Variants in ENPP6 observed in about 807,000 individuals in gnomAD.
ENPP6 encodes the protein ectonucleotide pyrophosphatase/phosphodiesterase 6, also known as glycerophosphocholine cholinephosphodiesterase ENPP6.
Under a neutral mutation model 42.0 loss-of-function variants are expected in ENPP6, and 32 were observed. That is an observed-to-expected ratio of 0.76 (90% CI 0.58 to 1.02). The LOEUF is 1.02. Ranked by LOEUF, ENPP6 falls within the 50% of genes least tolerant of loss-of-function variation. ENPP6 has a pLI of 0.00. For synonymous variants in ENPP6, 213 were observed against 216.0 expected (o/e 0.99, Z 0.12); for missense variants, 552 against 566.8 (o/e 0.97, Z 0.27).
intron 1 of ENPP6, among the ~76,000 whole-genome samples, chr4:184,192,083 C>T (rs1306387659): frequency 1.3e-5 from 2 of 152,186 alleles, no homozygotes; most frequent in Non-Finnish European, 2.9e-5. Context: ...TCAACACAAT[C>T]CTTATCCAAA....
At chr4:184,120,133 G>A (rs754076018) in intron 3 of ENPP6, among the ~76,000 whole-genome samples, 2 of 152,138 alleles carry the variant, frequency 1.3e-5, no homozygotes, top group Non-Finnish European at 2.9e-5. Flanking sequence ...GCCCTAGATC[G>A]CTTTTCCTGA....
intron 1 of ENPP6, among the ~76,000 whole-genome samples, chr4:184,169,351 G>A (rs1469992240): frequency 6.7e-6 from 1 of 148,880 alleles, no homozygotes; most frequent in Non-Finnish European, 1.5e-5. Context: ...GGGAAGAAAT[G>A]TCCCCATGTG....
rs185604185 is a variant in ENPP6, at chr4:184,199,767, C to T, written c.241+17812G>A. On this transcript the variant is annotated intron_variant, in intron 1 of 7. Coordinates refer to ENST00000296741, the MANE Select transcript of ENPP6 (RefSeq NM_153343.4). ...CTTTCTTCATATGTACAAAACAGGT[C>T]GAATTGGAGCTACTGTGATCATAAA... Among the ~76,000 whole-genome samples, 6 of 152,244 alleles carry T rather than the reference C, an allele frequency of 3.9e-5. No individual in the cohort carries two copies. The East Asian group carries it at 1.2e-3, about 29-fold the overall frequency.
rs201529329 is a variant in ENPP6, at chr4:184,117,906, G to A, written c.534-6C>T. 3.1e-6 allele frequency: 5 copies of A among 1,613,758 alleles called. No individual in the cohort carries two copies. Among genetic ancestry groups the A allele is most frequent in the African/African-American group, 2.7e-5 (2 of 75,044 alleles). On this transcript the variant is annotated splice_polypyrimidine_tract_variant and splice_region_variant and intron_variant, in intron 3 of 7. Coordinates refer to ENST00000296741, the MANE Select transcript of ENPP6 (RefSeq NM_153343.4). Reference sequence around the variant, plus strand: ...CCAGGTCGGCCCGGCCACTCCTGGAGGGACAGAGGAGAGAGGCATAGGTGA... The same window carrying A: ...CCAGGTCGGCCCGGCCACTCCTGGAAGGACAGAGGAGAGAGGCATAGGTGA...
At chr4:184,207,360 A>T (rs1733018529) in intron 1 of ENPP6, among the ~76,000 whole-genome samples, 1 of 152,252 alleles carries the variant, frequency 6.6e-6, no homozygotes, top group South Asian at 2.1e-4. Flanking sequence ...CGCTGCCTCA[A>T]AACAGATGCA....
At chr4:184,195,419 T>A (rs902946640) in intron 1 of ENPP6, among the ~76,000 whole-genome samples, 2 of 152,216 alleles carry the variant, frequency 1.3e-5, no homozygotes, top group Non-Finnish European at 2.9e-5. Context: ...CTAAGAATAA[T>A]GGTCTCCAGC....
intron 1 of ENPP6, among the ~76,000 whole-genome samples, chr4:184,214,737 A>T (rs191638777): frequency 1.7e-4 from 26 of 152,302 alleles, no homozygotes; most frequent in African/African-American, 6.0e-4. Context: ...AGGGACAGAA[A>T]ATCAAACACC....
intron 2 of ENPP6, among the ~76,000 whole-genome samples, chr4:184,124,802 A>G (rs980786193): frequency 5.9e-5 from 9 of 152,216 alleles, no homozygotes; most frequent in Non-Finnish European, 2.9e-5. Context: ...CAGTGAGTTC[A>G]AGCAATGGGG....
intron 2 of ENPP6, among the ~76,000 whole-genome samples, chr4:184,135,048 ACAGT>A (rs766222282): frequency 6.6e-6 from 1 of 151,980 alleles, no homozygotes. Flanking sequence ...TAATTACATG[ACAGT>A]CAGAGGACAC....
chr4:184,200,096 T>C (rs747101832), intron 1 of ENPP6, among the ~76,000 whole-genome samples: 2 of 152,102 alleles, frequency 1.3e-5, no homozygotes, highest in African/African-American at 2.4e-5. Flanking sequence ...AACAGACCAA[T>C]AGAAAGTGAA....
intron 6 of ENPP6, among the ~76,000 whole-genome samples, chr4:184,108,814 G>A (rs9968325): frequency 0.38 from 58,462 of 152,146 alleles, 11,753 homozygotes; most frequent in Non-Finnish European, 0.46. Context: ...CATAGGTGCT[G>A]TAAGTTATGT....
At position 184,131,189 on chromosome 4, in the gene ENPP6, CT is replaced by C. The variant is rs1214487960; in HGVS notation, c.422-6918del. 3.6e-4 allele frequency among the ~76,000 whole-genome samples: 24 copies of C among 66,580 alleles called. 1 individual carries two copies. The highest frequency in any genetic ancestry group is 1.4e-3 in the African/African-American group (21 of 14,982). 43.7% of individuals were successfully genotyped at this position (66,580 alleles called of 152,430 possible). ...TCTTTCTTTCTTTCTTTCTTTCTTTCTTTCTTTCTTTCTTCTTTCTTTCTTT... is the reference window on the plus strand; with the variant it reads ...TCTTTCTTTCTTTCTTTCTTTCTTTCTTCTTTCTTTCTTCTTTCTTTCTTT... On this transcript the variant is annotated intron_variant, in intron 2 of 7. Coordinates refer to ENST00000296741, the MANE Select transcript of ENPP6 (RefSeq NM_153343.4).
At chr4:184,108,335 T>C (rs1736137780) in intron 6 of ENPP6, among the ~76,000 whole-genome samples, 1 of 152,230 alleles carries the variant, frequency 6.6e-6, no homozygotes, top group Admixed American at 6.5e-5. Context: ...TGAAACGTCA[T>C]CGCATGCACT....
chr4:184,093,051 C>T (rs1424770287), intron 7 of ENPP6, among the ~76,000 whole-genome samples: 1 of 152,290 alleles, frequency 6.6e-6, no homozygotes, highest in Non-Finnish European at 1.5e-5. Context: ...GTTTTGCTCC[C>T]TTTGGAGAAT....
intron 2 of ENPP6, among the ~76,000 whole-genome samples, chr4:184,147,502 A>G (rs13103584): frequency 0.85 from 128,614 of 152,184 alleles, 58,175 homozygotes; most frequent in Non-Finnish European, 0.99. Context: ...ATGCTTCAGC[A>G]TGGGCCAGAT....
chr4:184,125,716 C>A (rs4476644), intron 2 of ENPP6, among the ~76,000 whole-genome samples: 102,139 of 151,270 alleles, frequency 0.68, 34,748 homozygotes, highest in African/African-American at 0.73. Flanking sequence ...CTCCTACAAT[C>A]ACTGTGACAG....
At chr4:184,101,990 C>T (rs1736011840) in intron 6 of ENPP6, among the ~76,000 whole-genome samples, 2 of 152,232 alleles carry the variant, frequency 1.3e-5, no homozygotes, top group Admixed American at 1.3e-4. Context: ...GCCTGCACTC[C>T]ATCGCCAGCT....
At chr4:184,113,859 A>C (rs1353600269) in intron 5 of ENPP6, among the ~76,000 whole-genome samples, 1 of 148,338 alleles carries the variant, frequency 6.7e-6, no homozygotes, top group Admixed American at 6.7e-5. Context: ...ATTTCTTTTT[A>C]TCTCTCTCTC....
chr4:184,190,281 G>A (rs1042396258), intron 1 of ENPP6, among the ~76,000 whole-genome samples: 1 of 152,188 alleles, frequency 6.6e-6, no homozygotes, highest in Non-Finnish European at 1.5e-5. Context: ...TTTAAGTATG[G>A]TGCCTTCTTG....
Sources: gnomAD v4.1 joint callset for allele counts (sites outside exome capture counted in the v4.1 genomes callset) on GRCh38, gnomAD v4.1.1 for gene constraint, MANE v1.5 for transcripts, NCBI Gene and HGNC (gene_info 2026-07-23, HGNC 2026-07-21) for gene names.